Variants in CHEK1 observed in about 807,000 individuals in gnomAD.
CHEK1 encodes the protein serine/threonine-protein kinase Chk1.
In CHEK1, 32 loss-of-function variants were observed where a neutral mutation model predicts 60.2. The observed-to-expected ratio is 0.53, with a 90% CI of 0.40 to 0.71. The LOEUF is 0.71. Ranked by LOEUF, CHEK1 falls within the 30% of genes least tolerant of loss-of-function variation. The pLI is 0.00. For missense variants in CHEK1, 399 were observed against 564.6 expected (o/e 0.71, Z 2.97); for synonymous variants, 179 against 187.2 (o/e 0.96, Z 0.36).
downstream of CHEK1, among the ~76,000 whole-genome samples, chr11:125,660,110 A>G (rs1010829517): frequency 6.6e-6 from 1 of 151,968 alleles, no homozygotes; most frequent in Non-Finnish European, 1.5e-5. Flanking sequence ...AGTTCTTTTT[A>G]CTTCTTGGTT....
intron 11 of CHEK1, among the ~76,000 whole-genome samples, chr11:125,647,707 A>T (rs965936611): frequency 6.6e-6 from 1 of 152,198 alleles, no homozygotes; most frequent in Non-Finnish European, 1.5e-5. Flanking sequence ...ATGCATATTG[A>T]GATAACTTAC....
At chr11:125,631,283 A>C (rs887232932) in intron 5 of CHEK1, among the ~76,000 whole-genome samples, 4 of 151,914 alleles carry the variant, frequency 2.6e-5, no homozygotes, top group Admixed American at 6.6e-5. Flanking sequence ...TTTCTATTTA[A>C]TATTTAGGAG....
At chr11:125,666,518 T>G (rs779567086) in intron 13 of CHEK1, among the ~76,000 whole-genome samples, 2 of 152,228 alleles carry the variant, frequency 1.3e-5, no homozygotes, top group African/African-American at 2.4e-5. Flanking sequence ...TTAGATCTGT[T>G]TGGTCTAAAG....
In CHEK1 at chr11:125,656,459, A is replaced by T. The variant is rs1040559377; in HGVS notation, c.*1139A>T. On this transcript the variant is annotated 3_prime_UTR_variant, in exon 13 of 13. Coordinates refer to ENST00000438015, the MANE Select transcript of CHEK1 (RefSeq NM_001114122.3). ...ATTAGAGTTTATCACATATTAATGTATACTGGCAAATTGTGTTACTGGAGT... is the reference window on the plus strand; with the variant it reads ...ATTAGAGTTTATCACATATTAATGTTTACTGGCAAATTGTGTTACTGGAGT... 1 of 213,886 alleles carries T rather than the reference A, an allele frequency of 4.7e-6. No homozygotes were observed. The highest frequency in any genetic ancestry group is 9.4e-6 in the Non-Finnish European group (1 of 106,006). The allele number at this position is 213,886 out of a possible 1,614,324, so 13.2% of individuals were successfully genotyped here.
intron 13 of CHEK1, among the ~76,000 whole-genome samples, chr11:125,675,103 G>C (rs986125948): frequency 1.3e-5 from 2 of 152,168 alleles, no homozygotes; most frequent in Non-Finnish European, 2.9e-5. Context: ...TCTATTCCCA[G>C]AGATCCTGGT....
downstream of CHEK1, among the ~76,000 whole-genome samples, chr11:125,658,514 C>T (rs1334333556): frequency 6.6e-5 from 10 of 151,918 alleles, no homozygotes; most frequent in Admixed American, 1.3e-4. Flanking sequence ...TCCCATTCTG[C>T]GGCTTATTGT....
In CHEK1 at chr11:125,655,753, A is replaced by C. The variant is rs1257116570; in HGVS notation, c.*433A>C. On this transcript the variant is annotated 3_prime_UTR_variant, in exon 13 of 13. Transcript: ENST00000438015. ...AAGACATAATTCTTGTGACTTTTGG[A>C]CAGTAGATTTATCAGTCTGTGAAGC... The C allele has an allele frequency of 4.6e-6, 1 of 217,554 alleles. No individual in the cohort carries two copies. The highest frequency in any genetic ancestry group is 2.2e-5 in the African/African-American group (1 of 44,460). The allele number at this position is 217,554 out of a possible 1,614,324, so 13.5% of individuals were successfully genotyped here.
chr11:125,661,512 G>A (rs879901922), downstream of CHEK1, among the ~76,000 whole-genome samples: 2 of 151,670 alleles, frequency 1.3e-5, no homozygotes, highest in African/African-American at 2.4e-5. Context: ...GGGTTTCATC[G>A]TGTTGTCCAG....
At chr11:125,645,348 A>G (rs1299248669) in intron 11 of CHEK1, among the ~76,000 whole-genome samples, 1 of 152,150 alleles carries the variant, frequency 6.6e-6, no homozygotes, top group Admixed American at 6.5e-5. Flanking sequence ...GTCAATTTTT[A>G]TTGTTTATAT....
chr11:125,650,637 A>G (rs1941690090), intron 11 of CHEK1, among the ~76,000 whole-genome samples: 1 of 151,830 alleles, frequency 6.6e-6, no homozygotes, highest in Non-Finnish European at 1.5e-5. Flanking sequence ...TATTTTTATT[A>G]GAGATGGGGT....
At position 125,656,503 on chromosome 11, in the gene CHEK1, A is replaced by G. The variant is rs1941906309; in HGVS notation, c.*1183A>G. On this transcript the variant is annotated 3_prime_UTR_variant, in exon 13 of 13. Transcript: ENST00000438015. ...CTGGAGTATACCCATAGGAGGAATAAATTCAAACCTGTTTTATTTATTTGA... is the reference window on the plus strand; with the variant it reads ...CTGGAGTATACCCATAGGAGGAATAGATTCAAACCTGTTTTATTTATTTGA... The G allele has an allele frequency of 4.6e-6, 1 of 216,254 alleles. No individual in the cohort carries two copies. The highest frequency in any genetic ancestry group is 2.3e-5 in the African/African-American group (1 of 44,396). The allele number at this position is 216,254 out of a possible 1,614,324, so 13.4% of individuals were successfully genotyped here.
At chr11:125,651,623 C>T (rs1368059543) in intron 11 of CHEK1, among the ~76,000 whole-genome samples, 1 of 152,058 alleles carries the variant, frequency 6.6e-6, no homozygotes, top group Non-Finnish European at 1.5e-5. Context: ...TTTAGAGGGT[C>T]AGATCGGCTT....
In CHEK1 at chr11:125,625,618, C is replaced by T. The variant is rs1940551436; in HGVS notation, c.-415C>T. The T allele has an allele frequency of 6.7e-6, 4 of 596,404 alleles. No homozygotes were observed. Among genetic ancestry groups the T allele is most frequent in the Non-Finnish European group, 6.0e-6 (2 of 333,996 alleles). The allele number at this position is 596,404 out of a possible 1,614,324, so 36.9% of individuals were successfully genotyped here. On this transcript the variant is annotated 5_prime_UTR_variant, in exon 1 of 13. Transcript: ENST00000438015. ...AGCGGCCAGGAGCGAAGCCCGCAGC[C>T]CCGCCTGGAAGCGCAGCGCGGTCGG...
At chr11:125,636,257 G>T (rs3731413) in intron 7 of CHEK1, 1 of 152,084 alleles carries the variant, frequency 6.6e-6, no homozygotes, top group African/African-American at 2.4e-5. Flanking sequence ...GTTTTAGTGC[G>T]CAGCGAACAT....
At position 125,629,445 on chromosome 11, in the gene CHEK1, C is replaced by T. The variant is rs759158547; in HGVS notation, c.409C>T (p.Leu137=). 1.2e-6 allele frequency: 2 copies of T among 1,612,240 alleles called. No individual in the cohort carries two copies. The highest frequency in any genetic ancestry group is 1.1e-5 in the South Asian group (1 of 90,928). The change falls in exon 5 of 13, where the codon CTG becomes TTG. Residue 137 remains leucine (L), a synonymous_variant. Transcript: ENST00000438015. ...CAGGGATATTAAACCAGAAAATCTTCTGTTGGATGAAAGGGGTAAGTTTAG... is the reference window on the plus strand; with the variant it reads ...CAGGGATATTAAACCAGAAAATCTTTTGTTGGATGAAAGGGGTAAGTTTAG... ...THRDIKPENL[L]LDERDNLKIS...
At chr11:125,676,444 C>A, downstream of CHEK1, 1 of 1,614,116 alleles carries the variant, frequency 6.2e-7, no homozygotes, top group Non-Finnish European at 8.5e-7. Context: ...CTTGATCATT[C>A]ATATAAGCAC....
chr11:125,668,042 A>G (rs1942129387), intron 13 of CHEK1, among the ~76,000 whole-genome samples: 1 of 152,206 alleles, frequency 6.6e-6, no homozygotes, highest in African/African-American at 2.4e-5. Context: ...TTAATTCAGT[A>G]TGTATTTCCT....
chr11:125,673,562 A>C (rs1471497146), intron 13 of CHEK1, among the ~76,000 whole-genome samples: 1 of 151,390 alleles, frequency 6.6e-6, no homozygotes, highest in African/African-American at 2.4e-5. Context: ...CTGCTCATCT[A>C]CTCCTCTGGA....
downstream of CHEK1, chr11:125,677,919 GGCT>G: frequency 6.2e-7 from 1 of 1,614,054 alleles, no homozygotes; most frequent in South Asian, 1.1e-5. Context: ...TTCACCTGAA[GGCT>G]GTTCATCTGA....
Sources: allele counts gnomAD v4.1 joint callset (sites outside exome capture counted in the v4.1 genomes callset), GRCh38; gene constraint gnomAD v4.1.1; transcripts MANE v1.5; gene names NCBI Gene and HGNC (gene_info 2026-07-23, HGNC 2026-07-21).